Variants in TRMT44 observed in about 807,000 individuals in gnomAD.
The protein encoded by TRMT44 is probable tRNA (uracil-O(2)-)-methyltransferase.
A neutral mutation model predicts 77.3 loss-of-function variants in TRMT44; 78 were observed. That is an observed-to-expected ratio of 1.01 (90% CI 0.84 to 1.22). The LOEUF (loss-of-function observed/expected upper bound fraction) is 1.22. Ranked by LOEUF, TRMT44 falls within the 50% of genes most tolerant of loss-of-function variation. The pLI, the probability that TRMT44 is intolerant of heterozygous loss-of-function variation, is 0.00. For synonymous variants in TRMT44, 391 were observed against 383.3 expected (o/e 1.02, Z -0.23); for missense variants, 1,090 against 964.4 (o/e 1.13, Z -1.73).
At chr4:8,487,957 C>A (rs1727869699) in intron 2 of TRMT44, among the ~76,000 whole-genome samples, 1 of 152,082 alleles carries the variant, frequency 6.6e-6, no homozygotes, top group African/African-American at 2.4e-5. Flanking sequence ...GTTTTGGATC[C>A]ACGGATAAAA....
At position 8,476,379 on chromosome 4, in the gene TRMT44, G is replaced by T. The variant is rs151089151; in HGVS notation, c.*378G>T. On this transcript the variant is annotated 3_prime_UTR_variant, in exon 11 of 11. Coordinates refer to ENST00000389737, the MANE Select transcript of TRMT44 (RefSeq NM_152544.3). ...GCCCCACCATGTCCACATCTGTGAA[G>T]AGGATGGGGCTCCTCGAGAAGTAAG... 1 of 256,576 alleles carries T rather than the reference G, an allele frequency of 3.9e-6. No homozygotes were observed. The highest frequency in any genetic ancestry group is 2.2e-5 in the African/African-American group (1 of 45,410). The allele number at this position is 256,576 out of a possible 1,614,324, so 15.9% of individuals were successfully genotyped here. A position where few individuals can be genotyped will look rare whatever the true frequency, so the allele number is the denominator to read the frequency against.
rs1247854597 is a variant in TRMT44, at chr4:8,446,864, T to C, written c.734+274T>C. On this transcript the variant is annotated intron_variant, in intron 2 of 10. Transcript: ENST00000389737. This position sits in a 1 kb window ranked among gnomAD's most constrained non-coding sequence, Gnocchi z 4.3. Reference sequence around the variant, plus strand: ...GCAGCCCTTAGCATTAGCTCTGAAGTCAAACTCAAATTTCTTTATTGTTAT... The same window carrying C: ...GCAGCCCTTAGCATTAGCTCTGAAGCCAAACTCAAATTTCTTTATTGTTAT... Among the ~76,000 whole-genome samples, 1 of 152,152 alleles carries C rather than the reference T, an allele frequency of 6.6e-6. No individual in the cohort carries two copies. Among genetic ancestry groups the C allele is most frequent in the African/African-American group, 2.4e-5 (1 of 41,436 alleles).
intron 1 of TRMT44, among the ~76,000 whole-genome samples, chr4:8,443,978 G>A (rs994233024): frequency 1.3e-5 from 2 of 151,768 alleles, no homozygotes; most frequent in African/African-American, 4.8e-5. Context: ...AAAAAGGAAT[G>A]TGACTAAGAA....
At chr4:8,494,489 G>C (rs535836407), downstream of TRMT44, among the ~76,000 whole-genome samples, 9 of 152,312 alleles carry the variant, frequency 5.9e-5, no homozygotes, top group South Asian at 4.1e-4. Flanking sequence ...TTCAGTGAAA[G>C]ACTGATCGAG....
chr4:8,468,433 G>C lies in TRMT44; in HGVS notation c.1927+87G>C, dbSNP rs867341581. The C allele has an allele frequency of 1.2e-5, 16 of 1,337,480 alleles. No individual in the cohort carries two copies. In the South Asian group the frequency reaches 1.7e-4, roughly 14 times the overall value. The allele number at this position is 1,337,480 out of a possible 1,614,324, so 82.9% of individuals were successfully genotyped here. ...ACGTCTTCAGAACCGACATGAAATG[G>C]TGTGGCCCTGTGACTACACACTTTG... On this transcript the variant is annotated intron_variant, in intron 9 of 10. Coordinates refer to ENST00000389737, the MANE Select transcript of TRMT44 (RefSeq NM_152544.3).
chr4:8,487,382 G>C (rs1170294478), intron 2 of TRMT44, among the ~76,000 whole-genome samples: 1 of 152,082 alleles, frequency 6.6e-6, no homozygotes, highest in Non-Finnish European at 1.5e-5. Context: ...AAGGGGTTCG[G>C]GGGTTCTTAC....
chr4:8,514,278 A>G, the TRMT44 span, among the ~76,000 whole-genome samples: 8 of 144,666 alleles, frequency 5.5e-5, no homozygotes, highest in Non-Finnish European at 9.0e-5. Context: ...TTTTTGAGAC[A>G]AAGTCTCGTT....
At chr4:8,472,469 G>A (rs893836200) in intron 10 of TRMT44, among the ~76,000 whole-genome samples, 2 of 152,248 alleles carry the variant, frequency 1.3e-5, no homozygotes, top group Non-Finnish European at 2.9e-5. Flanking sequence ...TGAAGTAGCC[G>A]TGGGGATCAG....
rs745915221 is a variant in TRMT44, at chr4:8,449,949, C to CTTT, written c.954+84_954+86dup. The CTTT allele has an allele frequency of 1.3e-3, 313 of 238,776 alleles. 2 individuals are homozygous for CTTT. Among genetic ancestry groups the CTTT allele is most frequent in the African/African-American group, 3.4e-3 (46 of 13,446 alleles). The allele number at this position is 238,776 out of a possible 1,614,324, so 14.8% of individuals were successfully genotyped here. A position where few individuals can be genotyped will look rare whatever the true frequency, so the allele number is the denominator to read the frequency against. ...TCATGATTTTCTTTTCTTTTCTTTT[C>CTTT]TTTTTTTTTTTTTTTTTTTTTTTTT... On this transcript the variant is annotated intron_variant, in intron 3 of 10. Transcript: ENST00000389737.
At chr4:8,456,541 T>TAA (rs79030141) in intron 6 of TRMT44, among the ~76,000 whole-genome samples, 8 of 126,170 alleles carry the variant, frequency 6.3e-5, no homozygotes, top group East Asian at 2.2e-4. Context: ...GAACTGTTGT[T>TAA]AAAAAAAAAA....
chr4:8,496,473 G>C (rs1029668478), downstream of TRMT44, among the ~76,000 whole-genome samples: 3 of 152,184 alleles, frequency 2.0e-5, no homozygotes, highest in East Asian at 5.8e-4. Context: ...GTGTGTGTTT[G>C]CATCTCAAGC....
chr4:8,448,101 C>T (rs947996004), intron 2 of TRMT44, among the ~76,000 whole-genome samples: 1 of 152,156 alleles, frequency 6.6e-6, no homozygotes. Context: ...GTGGCTGCTG[C>T]CCCCACCTTC....
chr4:8,449,949 C>CTTTTCTTTTCTTTTTTTTTCTTTTTT, intron 3 of TRMT44, 61 bp downstream of exon 3: 3 of 238,684 alleles, frequency 1.3e-5, no homozygotes, highest in South Asian at 6.0e-5. Flanking sequence ...CTTTTCTTTT[C>CTTTTCTTTTCTTTTTTTTTCTTTTTT]TTTTTTTTTT....
In TRMT44 at chr4:8,461,056, G is replaced by T. The variant is rs994928690; in HGVS notation, c.1204-2929G>T. On this transcript the variant is annotated intron_variant, in intron 6 of 10. Transcript: ENST00000389737. The surrounding 1 kb of genome is among the most constrained non-coding windows in gnomAD (Gnocchi z 4.6). Reference sequence around the variant, plus strand: ...TGTTGAAACAGGGTCTTCCTATGTTGCCCAGGCTGGTCTCAAACTCTGGGG... The same window carrying T: ...TGTTGAAACAGGGTCTTCCTATGTTTCCCAGGCTGGTCTCAAACTCTGGGG... 1.3e-5 allele frequency among the ~76,000 whole-genome samples: 2 copies of T among 152,078 alleles called. No individual in the cohort carries two copies. Among genetic ancestry groups the T allele is most frequent in the Non-Finnish European group, 2.9e-5 (2 of 68,010 alleles).
At chr4:8,487,527 G>T (rs575737759) in intron 2 of TRMT44, among the ~76,000 whole-genome samples, 10 of 151,674 alleles carry the variant, frequency 6.6e-5, no homozygotes, top group African/African-American at 2.2e-4. Flanking sequence ...GGATTGGGGT[G>T]TAGAGGTAAG....
chr4:8,485,413 G>A (rs910862570), intron 2 of TRMT44, among the ~76,000 whole-genome samples: 25 of 152,336 alleles, frequency 1.6e-4, no homozygotes, highest in African/African-American at 5.8e-4. Context: ...TTTTGGACAG[G>A]TAAAATGGGG....
rs768906165 is a variant in TRMT44 at position 8,468,161 on chromosome 4, CTG to C, written c.1743_1744del (p.Glu582ArgfsTer14). 1 of 1,614,058 alleles carries C rather than the reference CTG, an allele frequency of 6.2e-7. No homozygotes were observed. Among genetic ancestry groups the C allele is most frequent in the Non-Finnish European group, 8.5e-7 (1 of 1,180,012 alleles). The stretch of plus-strand genomic sequence containing the variant: ...GCTGAGCATGGAGCAGGGCCCCAGG[CTG>C]AAGGACCCTGGCTACCTGGATTTCA... On this transcript the variant is annotated frameshift_variant, in exon 9 of 11. Coordinates refer to ENST00000389737, the MANE Select transcript of TRMT44 (RefSeq NM_152544.3). LOFTEE classifies it high-confidence loss of function.
chr4:8,451,308 G>T lies in TRMT44; in HGVS notation c.955-652G>T, dbSNP rs1319605504. On this transcript the variant is annotated intron_variant, in intron 3 of 10. Coordinates refer to ENST00000389737, the MANE Select transcript of TRMT44 (RefSeq NM_152544.3). The surrounding 1 kb of genome is among the most constrained non-coding windows in gnomAD (Gnocchi z 4.1). ...CAGCTTTTGAAATTGTTTCTAGTGG[G>T]ATGGTTCATCTGTATTGTCTAAGGC... 1.3e-5 allele frequency among the ~76,000 whole-genome samples: 2 copies of T among 152,180 alleles called. No homozygotes were observed. The highest frequency in any genetic ancestry group is 4.8e-5 in the African/African-American group (2 of 41,428).
intron 2 of TRMT44, among the ~76,000 whole-genome samples, chr4:8,485,932 C>A (rs896652876): frequency 1.3e-5 from 2 of 152,230 alleles, no homozygotes; most frequent in African/African-American, 4.8e-5. Context: ...TGGGTAGCCC[C>A]CGTATCGATT....
Sources: gnomAD v4.1 joint callset for allele counts (sites outside exome capture counted in the v4.1 genomes callset) on GRCh38, gnomAD v4.1.1 for gene constraint, Gnocchi (gnomAD v3.1) non-coding constraint, MANE v1.5 for transcripts, NCBI Gene and HGNC (gene_info 2026-07-23, HGNC 2026-07-21) for gene names.